Variants in RBL1 observed in about 807,000 individuals in gnomAD.
RBL1 encodes the protein RB transcriptional corepressor like 1, also known as retinoblastoma-like protein 1.
RBL1 carries 82 observed loss-of-function variants against 123.0 expected under a neutral mutation model. The observed-to-expected ratio is 0.67, with a 90% confidence interval of 0.56 to 0.80. RBL1 has a LOEUF of 0.80. Ranked by LOEUF, RBL1 falls within the 30% of genes least tolerant of loss-of-function variation. The probability of loss-of-function intolerance (pLI) is 0.00; values close to 1 mark genes in which losing one functional copy is unlikely to be tolerated. For missense variants in RBL1, 1,171 were observed against 1,299.6 expected (o/e 0.90, Z 1.52); for synonymous variants, 405 against 441.3 (o/e 0.92, Z 1.03).
chr20:37,055,788 C>A, intron 10 of RBL1, 132 bp from the exon 11 acceptor site: 1 of 914,134 alleles, frequency 1.1e-6, no homozygotes, highest in Non-Finnish European at 1.6e-6. Context: ...GTGGCTCACG[C>A]CTGTAATCCT....
At chr20:37,073,968 A>C (rs906739454) in intron 2 of RBL1, among the ~76,000 whole-genome samples, 2 of 151,728 alleles carry the variant, frequency 1.3e-5, no homozygotes, top group Non-Finnish European at 2.9e-5. Flanking sequence ...AAAATTAGCC[A>C]GGTGTGGTGG....
At chr20:37,005,396 G>T (rs1204387666) in intron 20 of RBL1, among the ~76,000 whole-genome samples, 2 of 146,726 alleles carry the variant, frequency 1.4e-5, no homozygotes, top group Non-Finnish European at 3.0e-5. Context: ...AACAGAGCGA[G>T]ACTCCTTCTC....
At chr20:37,027,298 C>T (rs1257451738) in intron 16 of RBL1, among the ~76,000 whole-genome samples, 1 of 152,042 alleles carries the variant, frequency 6.6e-6, no homozygotes, top group Non-Finnish European at 1.5e-5. Flanking sequence ...ATGATCGTGC[C>T]TATGCACTCT....
intron 9 of RBL1, among the ~76,000 whole-genome samples, chr20:37,057,052 T>TACCTACCTAC (rs1568864724): frequency 8.4e-6 from 1 of 119,532 alleles, no homozygotes; most frequent in Non-Finnish European, 1.9e-5. Context: ...TACCTACCTA[T>TACCTACCTAC]CTACCTATCT....
intron 21 of RBL1, among the ~76,000 whole-genome samples, chr20:36,999,878 A>T (rs1417564096): frequency 8.5e-5 from 13 of 152,238 alleles, no homozygotes; most frequent in African/African-American, 3.1e-4. Context: ...TTGGCCCCGC[A>T]AAGTGCCGAG....
Position 37,044,281 on chromosome 20 carries a change from G to A in RBL1, c.1606-31C>T, listed in dbSNP as rs1271313278. On this transcript the variant is annotated intron_variant, in intron 12 of 21. Transcript: ENST00000373664. ...GAGGAGAAAGTGAGAAGGCAATGTG[G>A]TTTCAAGCAGTTAGTTCTAGTCTGG... 7 of 1,607,866 alleles carry A rather than the reference G, an allele frequency of 4.4e-6. No individual in the cohort carries two copies. In the Admixed American group the frequency reaches 8.4e-5, roughly 19 times the overall value.
chr20:37,042,666 A>G (rs2146263877), intron 13 of RBL1, among the ~76,000 whole-genome samples: 1 of 151,932 alleles, frequency 6.6e-6, no homozygotes, highest in African/African-American at 2.4e-5. Context: ...ACTTTGGGAA[A>G]CTGAGGTGGG....
At chr20:37,039,608 A>G (rs1348043010) in intron 14 of RBL1, among the ~76,000 whole-genome samples, 1 of 152,196 alleles carries the variant, frequency 6.6e-6, no homozygotes, top group Non-Finnish European at 1.5e-5. Context: ...CATGATCGTG[A>G]GGCCTCCCCA....
At position 37,013,755 on chromosome 20, in the gene RBL1, G is replaced by A. The variant is rs139560372; in HGVS notation, c.2722+4524C>T. 3.9e-5 allele frequency among the ~76,000 whole-genome samples: 6 copies of A among 152,256 alleles called. No individual in the cohort carries two copies. The East Asian group carries it at 1.2e-3, about 29-fold the overall frequency. ...TTCTGATCCACGGTATTTGCTTGAT[G>A]GTAGCCTTAAGGTTGACTGAATCCT... On this transcript the variant is annotated intron_variant, in intron 19 of 21. Coordinates refer to ENST00000373664, the MANE Select transcript of RBL1 (RefSeq NM_002895.5).
intron 2 of RBL1, among the ~76,000 whole-genome samples, chr20:37,070,010 G>T (rs978888692): frequency 6.6e-6 from 1 of 152,256 alleles, no homozygotes; most frequent in Non-Finnish European, 1.5e-5. Flanking sequence ...TGACAATGGC[G>T]GCTTTGTGGA....
At chr20:37,089,992 C>A (rs533201365) in intron 1 of RBL1, among the ~76,000 whole-genome samples, 1 of 152,196 alleles carries the variant, frequency 6.6e-6, no homozygotes, top group Non-Finnish European at 1.5e-5. Context: ...GCAGAGGTTG[C>A]AGTGAGTAGA....
chr20:37,068,309 A>T, intron 2 of RBL1, 123 bp from the exon 3 acceptor site: 1 of 1,350,562 alleles, frequency 7.4e-7, no homozygotes, highest in Non-Finnish European at 9.9e-7. Context: ...CAGGCAACAT[A>T]GTTAAGACCC....
intron 11 of RBL1, among the ~76,000 whole-genome samples, chr20:37,051,333 A>C (rs1010048615): frequency 3.9e-5 from 6 of 152,136 alleles, no homozygotes; most frequent in Admixed American, 1.3e-4. Flanking sequence ...GGCATGTGCC[A>C]CTACACCTGG....
intron 19 of RBL1, among the ~76,000 whole-genome samples, chr20:37,013,271 G>A (rs1242789069): frequency 6.6e-6 from 1 of 151,992 alleles, no homozygotes; most frequent in Non-Finnish European, 1.5e-5. Flanking sequence ...TTGGGATCCT[G>A]TTGATCTGTG....
chr20:37,031,055 T>A (rs1333636445), intron 16 of RBL1, among the ~76,000 whole-genome samples: 1 of 151,378 alleles, frequency 6.6e-6, no homozygotes, highest in Admixed American at 6.6e-5. Flanking sequence ...CAAAAAAAAA[T>A]AGACATAATA....
chr20:37,089,199 A>G, intron 1 of RBL1, 77 bp from the exon 2 acceptor site: 1 of 1,366,908 alleles, frequency 7.3e-7, no homozygotes, highest in Non-Finnish European at 9.9e-7. Flanking sequence ...CAAGAGATGT[A>G]GAATTATCTG....
At chr20:37,011,923 C>T (rs893216300) in intron 19 of RBL1, among the ~76,000 whole-genome samples, 2 of 152,170 alleles carry the variant, frequency 1.3e-5, no homozygotes, top group East Asian at 1.9e-4. Flanking sequence ...CCTCTGATGC[C>T]GAGCCGAAGC....
At chr20:37,048,682 G>A (rs899211469) in intron 11 of RBL1, among the ~76,000 whole-genome samples, 3 of 151,962 alleles carry the variant, frequency 2.0e-5, no homozygotes, top group African/African-American at 4.8e-5. Context: ...CTTTGAACAC[G>A]TTTTTAGTGT....
At chr20:37,060,504 G>A (rs1217471529) in intron 9 of RBL1, among the ~76,000 whole-genome samples, 3 of 151,902 alleles carry the variant, frequency 2.0e-5, no homozygotes, top group Non-Finnish European at 4.4e-5. Context: ...GACAAAGTTG[G>A]CCTGGCATGG....
Sources: gnomAD v4.1 joint callset for allele counts (sites outside exome capture counted in the v4.1 genomes callset) on GRCh38, gnomAD v4.1.1 for gene constraint, MANE v1.5 for transcripts, NCBI Gene and HGNC (gene_info 2026-07-23, HGNC 2026-07-21) for gene names.